Variants in BLTP1 observed in about 807,000 individuals in gnomAD.
BLTP1 encodes the protein bridge-like lipid transfer protein family member 1, also known as fragile site-associated protein.
At chr4:122,255,391 A>G in the BLTP1 span, 19 of 797,222 alleles carry the variant, frequency 2.4e-5, no homozygotes, top group South Asian at 3.0e-4. Context: ...ATACAAGTCT[A>G]TAGGCCTGTA....
the BLTP1 span, chr4:122,205,780 T>TCTCACACACA: frequency 4.8e-5 from 4 of 82,612 alleles, no homozygotes; most frequent in African/African-American, 1.6e-4. Context: ...TCTTTCTCTG[T>TCTCACACACA]CACATACACA....
chr4:122,154,986 T>G, the BLTP1 span: 1 of 896,326 alleles, frequency 1.1e-6, no homozygotes, highest in Non-Finnish European at 1.3e-6. Flanking sequence ...CAGAGAATAA[T>G]GGAAGACATG....
chr4:122,167,738 T>C, the BLTP1 span: 5 of 985,290 alleles, frequency 5.1e-6, no homozygotes, highest in Non-Finnish European at 2.4e-6. Flanking sequence ...TTTATTCATA[T>C]CAGGCTCTGA....
chr4:122,182,151 G>A, the BLTP1 span, among the ~76,000 whole-genome samples: 6 of 152,106 alleles, frequency 3.9e-5, no homozygotes, highest in Non-Finnish European at 7.3e-5. Context: ...ATTACAGAGA[G>A]CATACAGAGA....
At chr4:122,356,962 G>C in the BLTP1 span, 1 of 983,482 alleles carries the variant, frequency 1.0e-6, no homozygotes, top group East Asian at 1.1e-4. Context: ...ACTTTACAAA[G>C]TGTTTCTGTA....
At chr4:122,315,639 A>T in the BLTP1 span, 3 of 1,614,078 alleles carry the variant, frequency 1.9e-6, no homozygotes, top group Admixed American at 1.7e-5. Flanking sequence ...AACATAGCTG[A>T]CCTGTCAGAT....
At chr4:122,314,401 A>G in the BLTP1 span, among the ~76,000 whole-genome samples, 2 of 152,324 alleles carry the variant, frequency 1.3e-5, no homozygotes, top group African/African-American at 2.4e-5. Context: ...ACACTATCAA[A>G]GGAACACTTT....
At chr4:122,164,759 ATT>A in the BLTP1 span, among the ~76,000 whole-genome samples, 7 of 145,950 alleles carry the variant, frequency 4.8e-5, no homozygotes, top group African/African-American at 1.5e-4. Context: ...CATTTATTTT[ATT>A]TTTTTTTTTG....
the BLTP1 span, chr4:122,186,303 C>G: frequency 1.0e-6 from 1 of 964,600 alleles, no homozygotes; most frequent in Non-Finnish European, 1.4e-6. Context: ...GGCTATGCAC[C>G]TAAACAGAGC....
chr4:122,336,777 G>A, the BLTP1 span: 1 of 1,302,802 alleles, frequency 7.7e-7, no homozygotes, highest in Non-Finnish European at 1.0e-6. Flanking sequence ...AATGTTTCCG[G>A]GTGTTCATAC....
At chr4:122,167,857 T>C in the BLTP1 span, 93 of 985,374 alleles carry the variant, frequency 9.4e-5, 2 homozygotes, top group East Asian at 4.3e-3. Flanking sequence ...TCAGGAAGGG[T>C]AGAGGAAGAG....
chr4:122,173,727 G>T, the BLTP1 span, among the ~76,000 whole-genome samples: 2 of 151,926 alleles, frequency 1.3e-5, no homozygotes, highest in East Asian at 1.9e-4. Flanking sequence ...GATAATATCC[G>T]CTTGGTTATG....
At chr4:122,235,002 G>T in the BLTP1 span, 5 of 1,599,232 alleles carry the variant, frequency 3.1e-6, no homozygotes, top group Non-Finnish European at 4.3e-6. Context: ...AATTACTAAA[G>T]AAATTCCCAA....
chr4:122,316,755 G>T, the BLTP1 span: 1 of 1,612,100 alleles, frequency 6.2e-7, no homozygotes, highest in South Asian at 1.1e-5. Flanking sequence ...ATCGAAGACA[G>T]GCAGCATCTG....
At chr4:122,175,609 A>G in the BLTP1 span, among the ~76,000 whole-genome samples, 1 of 152,176 alleles carries the variant, frequency 6.6e-6, no homozygotes. Context: ...AATATATGCA[A>G]TTTTTATGCA....
the BLTP1 span, chr4:122,246,307 T>C: frequency 1.3e-6 from 2 of 1,553,180 alleles, no homozygotes; most frequent in Non-Finnish European, 1.7e-6. Flanking sequence ...AGGTAACAAT[T>C]TAATATTTAA....
the BLTP1 span, chr4:122,254,587 C>A: frequency 1.1e-6 from 1 of 918,496 alleles, no homozygotes; most frequent in Non-Finnish European, 1.3e-6. Context: ...CTTTTGTTTA[C>A]TCTTTTTATC....
the BLTP1 span, among the ~76,000 whole-genome samples, chr4:122,268,548 T>C: frequency 6.6e-6 from 1 of 152,086 alleles, no homozygotes; most frequent in Non-Finnish European, 1.5e-5. Flanking sequence ...CTCCACTGAG[T>C]TTTTCTGGCT....
At chr4:122,168,174 A>G in the BLTP1 span, among the ~76,000 whole-genome samples, 1 of 152,214 alleles carries the variant, frequency 6.6e-6, no homozygotes, top group East Asian at 1.9e-4. Flanking sequence ...CATTAATCTA[A>G]TATTTGGGAA....
Sources: allele counts gnomAD v4.1 joint callset (sites outside exome capture counted in the v4.1 genomes callset), GRCh38; gene constraint gnomAD v4.1.1; transcripts MANE v1.5; gene names NCBI Gene and HGNC (gene_info 2026-07-23, HGNC 2026-07-21).